ZNF385B: variants seen among roughly 807,000 people sequenced by gnomAD.
ZNF385B encodes the protein zinc finger protein 385B, also known as zinc finger protein 533.
In ZNF385B, 23 loss-of-function variants were observed where a neutral mutation model predicts 39.2. The ratio of observed to expected loss-of-function variants is 0.59; its 90% CI spans 0.42 to 0.83. The LOEUF is 0.83. ZNF385B is among the 40% of genes least tolerant of loss of function. The pLI is 0.00. For synonymous variants in ZNF385B, 205 were observed against 222.6 expected (o/e 0.92, Z 0.70); for missense variants, 552 against 598.9 (o/e 0.92, Z 0.82).
intron 3 of ZNF385B, among the ~76,000 whole-genome samples, chr2:179,561,621 G>GAAAAAAAA (rs142795610): frequency 6.9e-6 from 1 of 144,174 alleles, no homozygotes; most frequent in Non-Finnish European, 1.5e-5. Context: ...TGGCAAAATT[G>GAAAAAAAA]AAAAAAAAAA....
intron 6 of ZNF385B, among the ~76,000 whole-genome samples, chr2:179,471,596 G>A (rs1458657616): frequency 6.6e-6 from 1 of 152,128 alleles, no homozygotes; most frequent in Non-Finnish European, 1.5e-5. Context: ...AGTTGTCATA[G>A]AATGCTTGAA....
chr2:179,563,720 T>C (rs1684208126), intron 3 of ZNF385B, among the ~76,000 whole-genome samples: 1 of 152,182 alleles, frequency 6.6e-6, no homozygotes, highest in Admixed American at 6.5e-5. Flanking sequence ...GCTAGCTCTA[T>C]ACTTACTTCC....
chr2:179,616,490 C>T (rs992944821), intron 3 of ZNF385B, among the ~76,000 whole-genome samples: 6 of 151,644 alleles, frequency 4.0e-5, no homozygotes, highest in South Asian at 2.1e-4. Flanking sequence ...TATGTCACCA[C>T]GCCGGGCTAA....
intron 1 of ZNF385B, among the ~76,000 whole-genome samples, chr2:179,789,583 AG>A (rs1273946189): frequency 6.6e-6 from 1 of 152,224 alleles, no homozygotes; most frequent in Non-Finnish European, 1.5e-5. Context: ...CATATCAACA[AG>A]CAAAATTTAA....
At chr2:179,671,106 T>C (rs1441379503) in intron 3 of ZNF385B, among the ~76,000 whole-genome samples, 2 of 152,214 alleles carry the variant, frequency 1.3e-5, no homozygotes, top group African/African-American at 4.8e-5. Flanking sequence ...GCTACCACTA[T>C]TGTATCAAAG....
At chr2:179,601,152 T>C (rs1324602016) in intron 3 of ZNF385B, among the ~76,000 whole-genome samples, 1 of 152,194 alleles carries the variant, frequency 6.6e-6, no homozygotes, top group Admixed American at 6.5e-5. Context: ...CTTTGAAATA[T>C]ATACATTAGA....
intron 3 of ZNF385B, among the ~76,000 whole-genome samples, chr2:179,680,269 G>A (rs1396300456): frequency 1.3e-5 from 2 of 152,024 alleles, no homozygotes; most frequent in South Asian, 4.1e-4. Flanking sequence ...TCCTTAATTT[G>A]AAAAAGTATT....
chr2:179,795,061 A>G (rs912590892), intron 1 of ZNF385B, among the ~76,000 whole-genome samples: 5 of 152,136 alleles, frequency 3.3e-5, no homozygotes, highest in African/African-American at 1.2e-4. Context: ...AGGCCAGTGG[A>G]AGCAAGTGAA....
chr2:179,767,488 C>T (rs534842088), intron 3 of ZNF385B, among the ~76,000 whole-genome samples: 17 of 152,076 alleles, frequency 1.1e-4, no homozygotes, highest in African/African-American at 3.9e-4. Flanking sequence ...TAAATAGAAC[C>T]GAATCTTCTA....
chr2:179,629,734 C>T (rs1691015803), intron 3 of ZNF385B, among the ~76,000 whole-genome samples: 1 of 152,164 alleles, frequency 6.6e-6, no homozygotes, highest in South Asian at 2.1e-4. Flanking sequence ...CCAGGAAGCA[C>T]AAGGGGCTGG....
At chr2:179,534,347 G>A (rs2059431413) in intron 4 of ZNF385B, among the ~76,000 whole-genome samples, 1 of 152,120 alleles carries the variant, frequency 6.6e-6, no homozygotes. Flanking sequence ...TATCAATATT[G>A]TAAGAATAGA....
chr2:179,725,912 A>G (rs13419446), intron 3 of ZNF385B, among the ~76,000 whole-genome samples: 11,467 of 76,564 alleles, frequency 0.15, 513 homozygotes, highest in East Asian at 0.25. Context: ...TTGTGTGTGT[A>G]TATATATATA....
chr2:179,800,573 A>G (rs75132870), intron 1 of ZNF385B, among the ~76,000 whole-genome samples: 2 of 152,132 alleles, frequency 1.3e-5, no homozygotes, highest in African/African-American at 4.8e-5. Context: ...TGAATTTTGC[A>G]GTTGCCTATT....
chr2:179,542,486 A>C, intron 4 of ZNF385B, among the ~76,000 whole-genome samples: 1 of 152,170 alleles, frequency 6.6e-6, no homozygotes, highest in Non-Finnish European at 1.5e-5. Flanking sequence ...CTATTAATAT[A>C]ATTATTCTTT....
intron 3 of ZNF385B, among the ~76,000 whole-genome samples, chr2:179,611,958 C>T (rs1689325264): frequency 6.6e-6 from 1 of 152,092 alleles, no homozygotes; most frequent in East Asian, 1.9e-4. Flanking sequence ...ATCTCCTCTT[C>T]CACCTCCTAC....
chr2:179,520,142 G>C (rs1220125982), intron 4 of ZNF385B, among the ~76,000 whole-genome samples: 1 of 151,606 alleles, frequency 6.6e-6, no homozygotes, highest in Non-Finnish European at 1.5e-5. Context: ...GACCAGACTG[G>C]GCAACACAGC....
intron 3 of ZNF385B, among the ~76,000 whole-genome samples, chr2:179,691,681 C>T (rs992514533): frequency 2.6e-5 from 4 of 151,968 alleles, no homozygotes; most frequent in Non-Finnish European, 5.9e-5. Flanking sequence ...ATAGGATGTC[C>T]AACTAAATGT....
At chr2:179,638,113 A>G (rs1033556803) in intron 3 of ZNF385B, among the ~76,000 whole-genome samples, 1 of 152,182 alleles carries the variant, frequency 6.6e-6, no homozygotes, top group African/African-American at 2.4e-5. Context: ...ATTGATTATG[A>G]AAGATGAATA....
intron 5 of ZNF385B, among the ~76,000 whole-genome samples, chr2:179,502,644 C>T (rs985468531): frequency 6.6e-6 from 1 of 152,126 alleles, no homozygotes; most frequent in Non-Finnish European, 1.5e-5. Context: ...GCCTGCAGAA[C>T]CATTAGTTGA....
Sources: gnomAD v4.1 joint callset for allele counts (sites outside exome capture counted in the v4.1 genomes callset) on GRCh38, gnomAD v4.1.1 for gene constraint, MANE v1.5 for transcripts, NCBI Gene and HGNC (gene_info 2026-07-23, HGNC 2026-07-21) for gene names.